Variants in CLASP1 observed in about 807,000 individuals in gnomAD.
CLASP1 encodes the protein cytoplasmic linker associated protein 1, also known as CLIP-associating protein 1.
In CLASP1, 38 loss-of-function variants were observed where a neutral mutation model predicts 192.3. That is an observed-to-expected ratio of 0.20 (90% confidence interval 0.15 to 0.26). The LOEUF is 0.26. CLASP1 is among the 10% of genes least tolerant of loss of function. The probability of loss-of-function intolerance (pLI) is 1.00; values close to 1 mark genes in which losing one functional copy is unlikely to be tolerated. For missense variants in CLASP1, 1,433 were observed against 1,932.5 expected, an observed-to-expected ratio of 0.74 and a Z score of 4.85; for synonymous variants, 691 against 712.8, an observed-to-expected ratio of 0.97 and a Z score of 0.49.
chr2:121,646,129 TTTAGAC>T (rs1445093272), intron 1 of CLASP1, among the ~76,000 whole-genome samples: 1 of 152,222 alleles, frequency 6.6e-6, no homozygotes, highest in Non-Finnish European at 1.5e-5. Flanking sequence ...TGTTTTTGTT[TTTAGAC>T]AAGGTATCAC....
At chr2:121,605,490 A>G (rs984714327) in intron 2 of CLASP1, among the ~76,000 whole-genome samples, 5 of 152,238 alleles carry the variant, frequency 3.3e-5, no homozygotes, top group African/African-American at 1.2e-4. Context: ...TCAAAGTGCT[A>G]AAGGATGAGA....
At chr2:121,526,632 G>A (rs997970261) in intron 5 of CLASP1, among the ~76,000 whole-genome samples, 1 of 151,816 alleles carries the variant, frequency 6.6e-6, no homozygotes, top group Admixed American at 6.6e-5. Flanking sequence ...AACATATTAA[G>A]ATGGAAAAAA....
At chr2:121,637,816 G>A (rs2071184430) in intron 1 of CLASP1, among the ~76,000 whole-genome samples, 1 of 151,970 alleles carries the variant, frequency 6.6e-6, no homozygotes, top group African/African-American at 2.4e-5. Context: ...AACCCAGGAG[G>A]CAGAGGTTGC....
chr2:121,614,794 C>A (rs1323151465), intron 1 of CLASP1, among the ~76,000 whole-genome samples: 1 of 152,174 alleles, frequency 6.6e-6, no homozygotes, highest in Admixed American at 6.5e-5. Flanking sequence ...GAGTTTCCAG[C>A]ATACTCAGAG....
intron 2 of CLASP1, among the ~76,000 whole-genome samples, chr2:121,548,563 T>C (rs1054132333): frequency 9.2e-5 from 14 of 151,976 alleles, no homozygotes; most frequent in African/African-American, 3.1e-4. Context: ...TACAGAGAAC[T>C]CCTGCAAGAT....
chr2:121,566,435 T>G (rs1215227559), intron 2 of CLASP1, among the ~76,000 whole-genome samples: 1 of 152,226 alleles, frequency 6.6e-6, no homozygotes, highest in Non-Finnish European at 1.5e-5. Context: ...GGAAACAACT[T>G]GGTCCTCTCT....
intron 7 of CLASP1, among the ~76,000 whole-genome samples, chr2:121,506,290 AACTATCATTCC>A (rs1452673603): frequency 6.6e-6 from 1 of 152,090 alleles, no homozygotes; most frequent in Non-Finnish European, 1.5e-5. Context: ...ATTCCCAAAG[AACTATCATTCC>A]ACCTATCTGG....
chr2:121,377,447 T>C (rs2070514882), intron 34 of CLASP1, 52 bp downstream of exon 35: 2 of 1,334,072 alleles, frequency 1.5e-6, no homozygotes, highest in East Asian at 2.4e-5. Flanking sequence ...AGAAGTCTCA[T>C]TATCTGTCAT....
intron 1 of CLASP1, among the ~76,000 whole-genome samples, chr2:121,608,636 G>A (rs1268022665): frequency 1.3e-5 from 2 of 152,152 alleles, no homozygotes; most frequent in Admixed American, 6.5e-5. Flanking sequence ...ATGCCAGTAA[G>A]TGTAAGGAAA....
intron 9 of CLASP1, among the ~76,000 whole-genome samples, chr2:121,466,308 A>T (rs1422967190): frequency 6.6e-6 from 1 of 152,250 alleles, no homozygotes; most frequent in Non-Finnish European, 1.5e-5. Flanking sequence ...AGAAATAAGC[A>T]CAATTAACAT....
rs530427658 is a variant in CLASP1, at chr2:121,389,638, A to C, written c.3124-1732T>G. 3.9e-5 allele frequency among the ~76,000 whole-genome samples: 6 copies of C among 152,312 alleles called. No homozygotes were observed. In the South Asian group the frequency reaches 1.2e-3, roughly 32 times the overall value. On this transcript the variant is annotated intron_variant, in intron 30 of 39. Coordinates refer to ENST00000263710, the Ensembl canonical transcript of CLASP1. ...TGAAAATGGCATTTGAAAGTTATAA[A>C]ATATATGATTACATTCTTGAATAGT...
At chr2:121,530,306 T>G in exon 3 of CLASP1, 1 of 1,551,588 alleles carries the variant, frequency 6.4e-7, no homozygotes, top group Non-Finnish European at 8.7e-7. Flanking sequence ...GGACAGGATG[T>G]CCATGCCCAG....
rs1252900454 is a variant in CLASP1 at position 121,364,691 on chromosome 2, A to G, written c.4077+403T>C. 3 of 208,744 alleles carry G rather than the reference A, an allele frequency of 1.4e-5. No homozygotes were observed. The East Asian group carries it at 3.3e-4, about 23-fold the overall frequency. 12.9% of individuals were successfully genotyped at this position (208,744 alleles called of 1,614,324 possible). On this transcript the variant is annotated intron_variant, in intron 36 of 39. Coordinates refer to ENST00000263710, the Ensembl canonical transcript of CLASP1. ...ACCAAGATGGAATTTCATGGAATGTAGCATTTAATCAGGTCTTTTAAAATG... is the reference window on the plus strand; with the variant it reads ...ACCAAGATGGAATTTCATGGAATGTGGCATTTAATCAGGTCTTTTAAAATG...
intron 2 of CLASP1, among the ~76,000 whole-genome samples, chr2:121,577,617 T>C (rs1443887571): frequency 2.0e-5 from 3 of 152,218 alleles, no homozygotes; most frequent in Non-Finnish European, 4.4e-5. Flanking sequence ...CAACTTCTCA[T>C]AAAGACACTG....
In CLASP1 at chr2:121,519,284, G is replaced by A. The variant is rs145427141; in HGVS notation, c.547-3522C>T. Among the ~76,000 whole-genome samples, 328 of 152,328 alleles carry A rather than the reference G, an allele frequency of 2.2e-3. 1 individual carries two copies. The highest frequency in any genetic ancestry group is 7.5e-3 in the African/African-American group (312 of 41,576). ...ACAAATATTTGAGTGCCTACTAGGT[G>A]AAAATGAACTGAAACGCCTACACAG... On this transcript the variant is annotated intron_variant, in intron 6 of 39. Coordinates refer to ENST00000263710, the Ensembl canonical transcript of CLASP1.
chr2:121,597,719 A>C (rs1054044240), intron 2 of CLASP1, among the ~76,000 whole-genome samples: 3 of 152,254 alleles, frequency 2.0e-5, no homozygotes, highest in African/African-American at 7.2e-5. Flanking sequence ...AAAAGCACCA[A>C]GCCCCTGCTA....
At chr2:121,405,675 A>AT (rs1241118091) in intron 25 of CLASP1, among the ~76,000 whole-genome samples, 1 of 152,132 alleles carries the variant, frequency 6.6e-6, no homozygotes, top group African/African-American at 2.4e-5. Context: ...CCTAGAAATT[A>AT]TTCAATGGGT....
intron 1 of CLASP1, among the ~76,000 whole-genome samples, chr2:121,640,773 T>A (rs1559851651): frequency 6.6e-6 from 1 of 152,212 alleles, no homozygotes; most frequent in Non-Finnish European, 1.5e-5. Context: ...ATTAACAAAT[T>A]ATTCAACTTC....
chr2:121,528,827 T>C (rs1318759532), intron 3 of CLASP1, 47 bp from the exon 4 acceptor site: 3 of 1,421,844 alleles, frequency 2.1e-6, no homozygotes, highest in East Asian at 2.3e-5. Context: ...TATTTGGGGG[T>C]CTGTGGTCAC....
Sources: allele counts gnomAD v4.1 joint callset (sites outside exome capture counted in the v4.1 genomes callset), GRCh38; gene constraint gnomAD v4.1.1; transcripts MANE v1.5; gene names NCBI Gene and HGNC (gene_info 2026-07-23, HGNC 2026-07-21).